NCAM2: variants seen among roughly 807,000 people sequenced by gnomAD.
The protein encoded by NCAM2 is neural cell adhesion molecule 2.
In NCAM2, 30 loss-of-function variants were observed where a neutral mutation model predicts 98.1. That is an observed-to-expected ratio of 0.31 (90% CI 0.23 to 0.41). NCAM2 has a LOEUF of 0.41. NCAM2 is among the 10% of genes least tolerant of loss of function. NCAM2 has a pLI of 1.00. For missense variants in NCAM2, 867 were observed against 1,005.8 expected, an observed-to-expected ratio of 0.86 and a Z score of 1.87; for synonymous variants, 368 against 342.4, an observed-to-expected ratio of 1.07 and a Z score of -0.83.
At chr21:21,045,890 G>C (rs1417286199) in intron 1 of NCAM2, among the ~76,000 whole-genome samples, 1 of 152,158 alleles carries the variant, frequency 6.6e-6, no homozygotes, top group African/African-American at 2.4e-5. Flanking sequence ...TGACATATCT[G>C]ATAAACCAGC....
chr21:21,187,343 T>C (rs1033989436), intron 1 of NCAM2, among the ~76,000 whole-genome samples: 4 of 152,180 alleles, frequency 2.6e-5, no homozygotes. Context: ...TTTAAAATTA[T>C]ACTTATTAGT....
At chr21:21,273,326 GA>G (rs1283784020) in intron 1 of NCAM2, among the ~76,000 whole-genome samples, 1 of 152,070 alleles carries the variant, frequency 6.6e-6, no homozygotes, top group Non-Finnish European at 1.5e-5. Flanking sequence ...AGAACACCAA[GA>G]GAAGAAAACA....
intron 15 of NCAM2, among the ~76,000 whole-genome samples, chr21:21,505,088 A>AT (rs1253787529): frequency 1.3e-5 from 2 of 152,166 alleles, no homozygotes; most frequent in African/African-American, 4.8e-5. Flanking sequence ...AAAGATACTT[A>AT]TTTTTTCATA....
At chr21:21,338,704 G>A (rs1248718335) in intron 8 of NCAM2, among the ~76,000 whole-genome samples, 170 bp downstream of exon 8, 1 of 152,092 alleles carries the variant, frequency 6.6e-6, no homozygotes, top group Non-Finnish European at 1.5e-5. Context: ...CACTTTCGTG[G>A]GAGGGGAAAT....
chr21:21,154,546 A>T (rs1437691934), intron 1 of NCAM2, among the ~76,000 whole-genome samples: 1 of 151,916 alleles, frequency 6.6e-6, no homozygotes, highest in Admixed American at 6.6e-5. Flanking sequence ...TGTAGCAAAG[A>T]ACAATAAAGG....
intron 1 of NCAM2, chr21:21,226,545 A>G (rs994220137): frequency 6.6e-6 from 1 of 152,056 alleles, no homozygotes; most frequent in African/African-American, 2.4e-5. Flanking sequence ...ACATGCCACA[A>G]TGTCTATTAT....
intron 12 of NCAM2, among the ~76,000 whole-genome samples, chr21:21,457,153 T>G (rs1029938841): frequency 2.0e-5 from 3 of 151,718 alleles, no homozygotes; most frequent in African/African-American, 7.3e-5. Context: ...TCAAATAGAC[T>G]ATTAAGGGAA....
In NCAM2 at chr21:21,508,029, C is replaced by T. The variant is rs78854548; in HGVS notation, c.2078-822C>T. On this transcript the variant is annotated intron_variant, in intron 15 of 17. Coordinates refer to ENST00000400546, the MANE Select transcript of NCAM2 (RefSeq NM_004540.5). ...TGATTCATCTTCATTACTACTTGCTCCACTTGCCATTTCAATTTTATCAAT... is the reference window on the plus strand; with the variant it reads ...TGATTCATCTTCATTACTACTTGCTTCACTTGCCATTTCAATTTTATCAAT... 7.6e-3 allele frequency among the ~76,000 whole-genome samples: 1,150 copies of T among 152,216 alleles called. 16 individuals carry two copies. The highest frequency in any genetic ancestry group is 0.027 in the African/African-American group (1,102 of 41,544).
intron 16 of NCAM2, among the ~76,000 whole-genome samples, chr21:21,514,382 A>G (rs1988582630): frequency 6.6e-6 from 1 of 150,742 alleles, no homozygotes; most frequent in African/African-American, 2.4e-5. Flanking sequence ...AGGCTGAGGC[A>G]GGAGAATCAC....
intron 9 of NCAM2, among the ~76,000 whole-genome samples, chr21:21,391,241 A>G (rs184078501): frequency 6.6e-6 from 1 of 152,236 alleles, no homozygotes. Context: ...CAACACTAGA[A>G]ATAGACTGTT....
intron 1 of NCAM2, among the ~76,000 whole-genome samples, chr21:21,215,517 A>C (rs1331172645): frequency 9.9e-5 from 15 of 152,064 alleles, no homozygotes; most frequent in Non-Finnish European, 4.4e-5. Context: ...TCAGGTGTTC[A>C]AGACCAGACT....
chr21:21,436,769 CT>C (rs199997405), intron 12 of NCAM2, among the ~76,000 whole-genome samples: 22,748 of 137,834 alleles, frequency 0.17, 1,723 homozygotes, highest in Middle Eastern at 0.19. Flanking sequence ...CTTTTTTTTT[CT>C]TTTTTTTTTT....
At chr21:21,375,674 T>C (rs1343883927) in intron 9 of NCAM2, among the ~76,000 whole-genome samples, 1 of 151,756 alleles carries the variant, frequency 6.6e-6, no homozygotes, top group East Asian at 1.9e-4. Context: ...TATTTTTAAT[T>C]AAAATTTGTT....
intron 5 of NCAM2, among the ~76,000 whole-genome samples, chr21:21,295,598 C>A (rs1419876439): frequency 6.6e-6 from 1 of 151,748 alleles, no homozygotes; most frequent in Non-Finnish European, 1.5e-5. Flanking sequence ...CATATTTTCT[C>A]TTTTTCTCTT....
intron 11 of NCAM2, among the ~76,000 whole-genome samples, chr21:21,431,741 A>C (rs1774897554): frequency 6.6e-6 from 1 of 152,108 alleles, no homozygotes; most frequent in African/African-American, 2.4e-5. Flanking sequence ...ATGTATTCTA[A>C]CGTTTTAACT....
intron 1 of NCAM2, among the ~76,000 whole-genome samples, chr21:21,193,881 A>G (rs576601802): frequency 6.6e-6 from 1 of 152,248 alleles, no homozygotes; most frequent in African/African-American, 2.4e-5. Context: ...TCAAATTTTG[A>G]GGAGAATATA....
At chr21:21,430,690 G>A (rs574587684) in intron 11 of NCAM2, among the ~76,000 whole-genome samples, 4 of 151,880 alleles carry the variant, frequency 2.6e-5, no homozygotes, top group Non-Finnish European at 4.4e-5. Context: ...TGGAGAAACC[G>A]CCCCCATGAT....
intron 8 of NCAM2, among the ~76,000 whole-genome samples, chr21:21,343,358 T>TAC (rs71195322): frequency 0.27 from 32,040 of 120,430 alleles, 3,580 homozygotes; most frequent in Admixed American, 0.31. Context: ...TCTATACACA[T>TAC]ACACACACAC....
At chr21:21,008,694 A>T (rs2064153074) in intron 1 of NCAM2, among the ~76,000 whole-genome samples, 1 of 152,212 alleles carries the variant, frequency 6.6e-6, no homozygotes, top group South Asian at 2.1e-4. Context: ...GGTATGAAAC[A>T]TATTTAATAT....
Sources: gnomAD v4.1 joint callset for allele counts (sites outside exome capture counted in the v4.1 genomes callset) on GRCh38, gnomAD v4.1.1 for gene constraint, MANE v1.5 for transcripts, NCBI Gene and HGNC (gene_info 2026-07-23, HGNC 2026-07-21) for gene names.